SELENON: variants seen among roughly 807,000 people sequenced by gnomAD.
The protein encoded by SELENON is selenoprotein N.
In SELENON, 44 loss-of-function variants were observed where a neutral mutation model predicts 59.5. That is an observed-to-expected ratio of 0.74 (90% CI 0.58 to 0.95). SELENON has a LOEUF of 0.95. Among genes scored for constraint, SELENON ranks in the 40% least tolerant of loss-of-function variants. The probability of loss-of-function intolerance (pLI) is 0.00; values close to 1 mark genes in which losing one functional copy is unlikely to be tolerated. For synonymous variants in SELENON, 320 were observed against 305.6 expected (o/e 1.05, Z -0.49); for missense variants, 674 against 721.4 (o/e 0.93, Z 0.75).
At chr1:25,809,922 T>G (rs1358845578) in intron 7 of SELENON, 102 bp downstream of exon 6, 6 of 1,459,102 alleles carry the variant, frequency 4.1e-6, no homozygotes, top group Non-Finnish European at 5.7e-6. Flanking sequence ...CCCCTTCCTT[T>G]GCTCCCCAGA....
chr1:25,814,178 G>A lies in SELENON; in HGVS notation c.1602G>A (p.Val534=). The A allele has an allele frequency of 6.2e-7, 1 of 1,613,310 alleles. No individual in the cohort carries two copies. Among genetic ancestry groups the A allele is most frequent in the Non-Finnish European group, 8.5e-7 (1 of 1,179,586 alleles). Residue 534 remains valine, a splice_region_variant and synonymous_variant, in exon 12 of 13, where the codon GTG becomes GTA. Coordinates refer to ENST00000361547, the MANE Select transcript of SELENON (RefSeq NM_020451.3). ...TGATCTGCCTGCCCAATGGCACCGTGGTAGGCACCCCCACTCAGACCCCAC... is the reference window on the plus strand; with the variant it reads ...TGATCTGCCTGCCCAATGGCACCGTAGTAGGCACCCCCACTCAGACCCCAC...
rs1557433942 is a variant in SELENON, at chr1:25,814,157, C to A, written c.1581C>A (p.Ile527=). Residue 527 remains isoleucine (I), a synonymous_variant, in exon 12 of 13, where the codon ATC becomes ATA. Transcript: ENST00000361547. Reference sequence around the variant, plus strand: ...ACAGCTTCCCCGTGGAGATGATGATCTGCCTGCCCAATGGCACCGTGGTAG... The same window carrying A: ...ACAGCTTCCCCGTGGAGATGATGATATGCCTGCCCAATGGCACCGTGGTAG... The A allele has an allele frequency of 6.2e-7, 1 of 1,614,032 alleles. No individual in the cohort carries two copies. The highest frequency in any genetic ancestry group is 1.7e-5 in the Admixed American group (1 of 60,018).
In SELENON at chr1:25,808,828, C is replaced by T. The variant is rs114458946; in HGVS notation, c.747+39C>T. On this transcript the variant is annotated intron_variant, in intron 5 of 12. Coordinates refer to ENST00000361547, the MANE Select transcript of SELENON (RefSeq NM_020451.3). ...GGGTGCGACGTGGGGCCCCTCCGCC[C>T]GAGCCCAGGAGTGGCCACCCCTCTG... The T allele has an allele frequency of 2.2e-3, 3,617 of 1,610,098 alleles. 32 individuals carry two copies. Among genetic ancestry groups the T allele is most frequent in the African/African-American group, 0.022 (1,655 of 74,994 alleles).
chr1:25,814,187 C>T lies in SELENON; in HGVS notation c.1602+9C>T. 6.2e-7 allele frequency: 1 copy of T among 1,611,002 alleles called. No homozygotes were observed. Among genetic ancestry groups the T allele is most frequent in the Non-Finnish European group, 8.5e-7 (1 of 1,177,864 alleles). ...TGCCCAATGGCACCGTGGTAGGCACCCCCACTCAGACCCCACAGGGCCCAG... is the reference window on the plus strand; with the variant it reads ...TGCCCAATGGCACCGTGGTAGGCACTCCCACTCAGACCCCACAGGGCCCAG... On this transcript the variant is annotated intron_variant, in intron 12 of 12. Coordinates refer to ENST00000361547, the MANE Select transcript of SELENON (RefSeq NM_020451.3).
At position 25,809,108 on chromosome 1, in the gene SELENON, G is replaced by A; in HGVS notation, c.830G>A (p.Cys277Tyr). The A allele has an allele frequency of 6.2e-7, 1 of 1,613,786 alleles. No individual in the cohort carries two copies. The highest frequency in any genetic ancestry group is 1.1e-5 in the South Asian group (1 of 91,088). Residue 277 changes from cysteine (C) to tyrosine (Y), a missense_variant, in exon 6 of 13, where the codon TGC becomes TAC. Physicochemically the swap from Cys to Tyr is radical, Grantham distance 194. Transcript: ENST00000361547. Reference sequence around the variant, plus strand: ...TTTGCCCCTCAGGGAGCTGTGGCCTGCCTGACTGCCATCAGCGACTTCTAC... The same window carrying A: ...TTTGCCCCTCAGGGAGCTGTGGCCTACCTGACTGCCATCAGCGACTTCTAC...
intron 3 of SELENON, among the ~76,000 whole-genome samples, chr1:25,802,713 T>A (rs2047870871): frequency 6.6e-6 from 1 of 152,234 alleles, no homozygotes; most frequent in South Asian, 2.1e-4. Flanking sequence ...ATTTATTTAT[T>A]TATTTGGTTA....
Position 25,809,707 on chromosome 1 carries a change from T to G in SELENON, c.897T>G (p.Ser299Arg), listed in dbSNP as rs1243423026. 1 of 1,613,932 alleles carries G rather than the reference T, an allele frequency of 6.2e-7. No homozygotes were observed. The highest frequency in any genetic ancestry group is 8.5e-7 in the Non-Finnish European group (1 of 1,180,004). Residue 299 changes from serine to arginine, a missense_variant, in exon 7 of 13, where the codon AGT becomes AGG. Physicochemically the swap from Ser to Arg is moderately radical, Grantham distance 110. Transcript: ENST00000361547. ...GGATCCATGCCGAGTTCCAGCTCAG[T>G]GAGCCGCCCGACTTCCCCTTTTGGT...
At chr1:25,809,629 G>A (rs1341755628) in intron 6 of SELENON, 54 bp from the exon 6 acceptor site, 22 of 1,608,808 alleles carry the variant, frequency 1.4e-5, no homozygotes, top group Non-Finnish European at 1.9e-5. Flanking sequence ...AGGCTTCCCG[G>A]GCTCCTGGGG....
In SELENON at chr1:25,811,700, G is replaced by A; in HGVS notation, c.1102G>A (p.Glu368Lys). 6.2e-7 allele frequency: 1 copy of A among 1,610,032 alleles called. No individual in the cohort carries two copies. Among genetic ancestry groups the A allele is most frequent in the Non-Finnish European group, 8.5e-7 (1 of 1,178,372 alleles). Residue 368 changes from glutamate (E) to lysine (K), a missense_variant, in exon 9 of 13, where the codon GAG (glutamate) becomes AAG (lysine). Physicochemically the swap from Glu to Lys is moderately conservative, Grantham distance 56. Coordinates refer to ENST00000361547, the MANE Select transcript of SELENON (RefSeq NM_020451.3). ...CTGACCTCTGGCCCAGATGGAGCTG[G>A]AGGCCACGGGCCCCTCTGTGCCCTC...
At chr1:25,811,585 G>A (rs201837378) in intron 8 of SELENON, 50 bp downstream of exon 7, 11 of 1,604,246 alleles carry the variant, frequency 6.9e-6, no homozygotes, top group African/African-American at 1.3e-5. Flanking sequence ...GCAGGGCCCC[G>A]CCCTCCCTCT....
In SELENON at chr1:25,814,289, C is replaced by G. The variant is rs114266171; in HGVS notation, c.1602+111C>G. ...CATCAGGCTTCGGGACTGTCCCTGC[C>G]ACTTCCTGGCTGCAAAGCCTCAAGC... is the stretch of plus-strand genomic sequence containing the variant. On this transcript the variant is annotated intron_variant, in intron 12 of 12. Coordinates refer to ENST00000361547, the MANE Select transcript of SELENON (RefSeq NM_020451.3). 3.7e-5 allele frequency: 30 copies of G among 802,344 alleles called. No individual in the cohort carries two copies. In the East Asian group the frequency reaches 7.5e-4, roughly 20 times the overall value. The allele number at this position is 802,344 out of a possible 1,614,324, so 49.7% of individuals were successfully genotyped here.
chr1:25,812,488 AACAT>A (rs2047971208), intron 9 of SELENON, among the ~76,000 whole-genome samples, 195 bp from the exon 9 acceptor site: 1 of 139,074 alleles, frequency 7.2e-6, no homozygotes, highest in South Asian at 2.4e-4. Flanking sequence ...CACATATACA[AACAT>A]ACACAAACAT....
intron 7 of SELENON, among the ~76,000 whole-genome samples, chr1:25,810,298 G>T (rs1397901205): frequency 6.6e-6 from 1 of 152,248 alleles, no homozygotes; most frequent in African/African-American, 2.4e-5. Context: ...CCAAGGGCAG[G>T]CCCTCCACTG....
At chr1:25,813,776 T>C in intron 10 of SELENON, 105 bp from the exon 10 acceptor site, 1 of 824,304 alleles carries the variant, frequency 1.2e-6, no homozygotes, top group Non-Finnish European at 2.2e-6. Context: ...ATCTGTTATT[T>C]CACTTGGGTG....
In SELENON at chr1:25,812,472, CAT is replaced by C. The variant is rs919316932; in HGVS notation, c.1282-213_1282-212del. On this transcript the variant is annotated intron_variant, in intron 9 of 12. Transcript: ENST00000361547. ...ACACTAACATATATATACACACACA[CAT>C]ACACACATATACAAACATACACAAA... 2.2e-4 allele frequency among the ~76,000 whole-genome samples: 13 copies of C among 60,090 alleles called. 1 individual carries two copies. The Middle Eastern group carries it at 0.032, about 148-fold the overall frequency. The allele number at this position is 60,090 out of a possible 152,430, so 39.4% of individuals were successfully genotyped here.
At chr1:25,802,700 ATTAT>A (rs1048392085) in intron 3 of SELENON, among the ~76,000 whole-genome samples, 4 of 152,096 alleles carry the variant, frequency 2.6e-5, no homozygotes, top group African/African-American at 7.2e-5. Flanking sequence ...GCAGTCAGTG[ATTAT>A]TTATTTATTT....
chr1:25,800,910 G>A, intron 1 of SELENON, 133 bp from the exon 2 acceptor site: 1 of 800,200 alleles, frequency 1.2e-6, no homozygotes. Context: ...CATTTGCACA[G>A]ATGGACCGGG....
At chr1:25,808,964 C>A in intron 5 of SELENON, 62 bp from the exon 5 acceptor site, 1 of 1,611,602 alleles carries the variant, frequency 6.2e-7, no homozygotes, top group Non-Finnish European at 8.5e-7. Context: ...CTGACCCCCA[C>A]CCCAGCGGAT....
At chr1:25,814,258 A>G in intron 12 of SELENON, 80 bp downstream of exon 11, 1 of 1,021,782 alleles carries the variant, frequency 9.8e-7, no homozygotes, top group Non-Finnish European at 1.5e-6. Flanking sequence ...GTGGATGTGC[A>G]GACTTCATCA....
Sources: allele counts gnomAD v4.1 joint callset (sites outside exome capture counted in the v4.1 genomes callset), GRCh38; gene constraint gnomAD v4.1.1; transcripts MANE v1.5; gene names NCBI Gene and HGNC (gene_info 2026-07-23, HGNC 2026-07-21).